TEDC2: variants seen among roughly 807,000 people sequenced by gnomAD.
The protein encoded by TEDC2 is tubulin epsilon and delta complex 2.
Under a neutral mutation model 48.1 loss-of-function variants are expected in TEDC2, and 49 were observed. The ratio of observed to expected loss-of-function variants is 1.02; its 90% CI spans 0.81 to 1.29. TEDC2 has a LOEUF of 1.29. Among genes scored for constraint, TEDC2 ranks in the 50% most tolerant of loss-of-function variants. The probability of loss-of-function intolerance (pLI) is 0.00; values close to 1 mark genes in which losing one functional copy is unlikely to be tolerated. For missense variants in TEDC2, 631 were observed against 571.4 expected, an observed-to-expected ratio of 1.10 and a Z score of -1.06; for synonymous variants, 299 against 247.1, an observed-to-expected ratio of 1.21 and a Z score of -1.97.
chr16:2,461,405 G>GA, intron 4 of TEDC2, 181 bp downstream of exon 4: 2 of 838,468 alleles, frequency 2.4e-6, no homozygotes, highest in Non-Finnish European at 3.5e-6. Flanking sequence ...GTCCAGGTTG[G>GA]CACCATCAGG....
chr16:2,461,390 G>C (rs1287440309), intron 4 of TEDC2, 166 bp downstream of exon 4: 34 of 989,754 alleles, frequency 3.4e-5, no homozygotes, highest in Non-Finnish European at 4.7e-5. Flanking sequence ...CAGCTGTGTG[G>C]TGGTGTCCAG....
chr16:2,461,402 T>C, intron 4 of TEDC2, 178 bp downstream of exon 4: 8 of 893,744 alleles, frequency 9.0e-6, no homozygotes, highest in Non-Finnish European at 1.3e-5. Context: ...GGTGTCCAGG[T>C]TGGCACCATC....
rs747607391 is a variant in TEDC2, at chr16:2,460,164, C to T, written c.20C>T (p.Ser7Leu). Residue 7 changes from serine (S) to leucine (L), a missense_variant, in exon 1 of 10, where the codon TCG becomes TTG. By Grantham distance (145) the Ser-to-Leu change is moderately radical (BLOSUM62 -2). Transcript: ENST00000361837. MLPAGC[S>L]RRLVAELQGA... is the part of the protein sequence containing the mutation. Reference sequence around the variant, plus strand: ...GCCTTCATGCTGCCGGCGGGCTGCTCGCGCCGGTGAGGCCTGCGCGGCAGG... The same window carrying T: ...GCCTTCATGCTGCCGGCGGGCTGCTTGCGCCGGTGAGGCCTGCGCGGCAGG... 2.4e-5 allele frequency: 32 copies of T among 1,343,234 alleles called. No homozygotes were observed. Among genetic ancestry groups the T allele is most frequent in the Admixed American group, 8.3e-5 (2 of 24,122 alleles). 83.2% of individuals were successfully genotyped at this position (1,343,234 alleles called of 1,614,324 possible). A position where few individuals can be genotyped will look rare whatever the true frequency, so the allele number is the denominator to read the frequency against.
At chr16:2,460,251 C>T (rs1310963167) in intron 1 of TEDC2, 32 bp from the exon 2 acceptor site, 8 of 1,502,956 alleles carry the variant, frequency 5.3e-6, no homozygotes, top group African/African-American at 1.5e-5. Context: ...CCGACGCTGG[C>T]CGAGGTGCTG....
intron 5 of TEDC2, 121 bp from the exon 6 acceptor site, chr16:2,462,028 G>A: frequency 8.4e-7 from 1 of 1,188,648 alleles, no homozygotes; most frequent in South Asian, 1.4e-5. Flanking sequence ...ATTCAGCAGA[G>A]CCAGACGCCC....
rs759427683 is a variant in TEDC2 at position 2,464,578 on chromosome 16, C to T, written c.1212C>T (p.Pro404=). The change falls in exon 10 of 10, where the codon CCC becomes CCT. Residue 404 remains proline (P), a synonymous_variant. Coordinates refer to ENST00000361837, the MANE Select transcript of TEDC2 (RefSeq NM_025108.3). ...LVSAAQPQGP[P]WLALCRAVHS... ...GCGCTGCACAGCCGCAGGGGCCGCC[C>T]TGGCTGGCCCTGTGCCGGGCTGTGC... 4 of 1,608,466 alleles carry T rather than the reference C, an allele frequency of 2.5e-6. No homozygotes were observed. The highest frequency in any genetic ancestry group is 2.2e-5 in the East Asian group (1 of 44,884).
chr16:2,461,838 G>T (rs372850122), intron 5 of TEDC2, 38 bp downstream of exon 5: 1 of 1,610,912 alleles, frequency 6.2e-7, no homozygotes, highest in African/African-American at 1.3e-5. Flanking sequence ...GGGTAGGGGA[G>T]AACCGGGAGG....
Position 2,464,901 on chromosome 16 carries a change from C to G in TEDC2, c.*233C>G. On this transcript the variant is annotated 3_prime_UTR_variant, in exon 10 of 10. Coordinates refer to ENST00000361837, the MANE Select transcript of TEDC2 (RefSeq NM_025108.3). ...AGCGGGGAGCCTTTCCTGGCTCCCTCTGTTTTCTCTCACTGTAGACCAAAG... is the reference window on the plus strand; with the variant it reads ...AGCGGGGAGCCTTTCCTGGCTCCCTGTGTTTTCTCTCACTGTAGACCAAAG... 1.7e-6 allele frequency: 1 copy of G among 577,852 alleles called. No individual in the cohort carries two copies. Among genetic ancestry groups the G allele is most frequent in the East Asian group, 3.0e-5 (1 of 33,028 alleles). 35.8% of individuals were successfully genotyped at this position (577,852 alleles called of 1,614,324 possible).
rs866719138 is a variant in TEDC2 at position 2,463,246 on chromosome 16, A to G, written c.964+514A>G. On this transcript the variant is annotated intron_variant, in intron 8 of 9. Coordinates refer to ENST00000361837, the MANE Select transcript of TEDC2 (RefSeq NM_025108.3). Reference sequence around the variant, plus strand: ...TGAGGCAGGAGAATGGCGTGAACCCAGGAGGAGGAGCTTGCAGTGAGCTGA... The same window carrying G: ...TGAGGCAGGAGAATGGCGTGAACCCGGGAGGAGGAGCTTGCAGTGAGCTGA... Among the ~76,000 whole-genome samples, 20 of 152,180 alleles carry G rather than the reference A, an allele frequency of 1.3e-4. No homozygotes were observed. In the South Asian group the frequency reaches 3.3e-3, roughly 25 times the overall value.
At chr16:2,462,844 T>A (rs2065475556) in intron 8 of TEDC2, 112 bp downstream of exon 8, 2 of 1,014,248 alleles carry the variant, frequency 2.0e-6, no homozygotes, top group Non-Finnish European at 2.8e-6. Flanking sequence ...AGGGACCAGA[T>A]GCAAGTTGGT....
chr16:2,464,406 C>A, intron 9 of TEDC2, 116 bp from the exon 10 acceptor site: 1 of 1,346,352 alleles, frequency 7.4e-7, no homozygotes, highest in Non-Finnish European at 1.0e-6. Context: ...AGGAGGGAGC[C>A]TGGAGCCTCA....
chr16:2,463,688 G>A (rs2065481663), intron 8 of TEDC2, among the ~76,000 whole-genome samples: 1 of 151,878 alleles, frequency 6.6e-6, no homozygotes, highest in Admixed American at 6.5e-5. Flanking sequence ...TGACTCGCCT[G>A]GGATTGCGTG....
chr16:2,461,825 C>T (rs754117078), intron 5 of TEDC2, 25 bp downstream of exon 5: 54 of 1,613,084 alleles, frequency 3.3e-5, no homozygotes, highest in Admixed American at 8.3e-5. Flanking sequence ...TTTGGCTGGA[C>T]GGGGGTAGGG....
chr16:2,464,770 C>T lies in TEDC2; in HGVS notation c.*102C>T. ...GAGATGCCTGTGCTTCCCTGGGAAA[C>T]CTGGTGAACTGGACCAGGTGGCCTC... On this transcript the variant is annotated 3_prime_UTR_variant, in exon 10 of 10. Transcript: ENST00000361837. 6.7e-7 allele frequency: 1 copy of T among 1,493,888 alleles called. No individual in the cohort carries two copies. Among genetic ancestry groups the T allele is most frequent in the Non-Finnish European group, 9.1e-7 (1 of 1,101,750 alleles). 92.5% of individuals were successfully genotyped at this position (1,493,888 alleles called of 1,614,324 possible).
At position 2,460,169 on chromosome 16, in the gene TEDC2, C is replaced by A. The variant is rs1287744657; in HGVS notation, c.25C>A (p.Arg9=). Residue 9 remains arginine, a splice_region_variant and synonymous_variant, in exon 1 of 10, where the codon CGG becomes AGG. Transcript: ENST00000361837. ...CATGCTGCCGGCGGGCTGCTCGCGC[C>A]GGTGAGGCCTGCGCGGCAGGAGGGG... MLPAGCSR[R]LVAELQGALD... 5.3e-6 allele frequency: 6 copies of A among 1,124,836 alleles called. No individual in the cohort carries two copies. Among genetic ancestry groups the A allele is most frequent in the South Asian group, 2.0e-5 (1 of 50,504 alleles). The allele number at this position is 1,124,836 out of a possible 1,614,324, so 69.7% of individuals were successfully genotyped here.
intron 8 of TEDC2, among the ~76,000 whole-genome samples, chr16:2,463,333 A>G (rs1471163483): frequency 6.9e-6 from 1 of 145,202 alleles, no homozygotes; most frequent in African/African-American, 2.6e-5. Context: ...AAAAAGAAAA[A>G]GTAGCGTGTG....
At chr16:2,463,983 A>C in intron 8 of TEDC2, 56 bp from the exon 9 acceptor site, 1 of 1,554,796 alleles carries the variant, frequency 6.4e-7, no homozygotes, top group Non-Finnish European at 8.7e-7. Flanking sequence ...ACACAGGAAA[A>C]GCGGGGCCCT....
intron 4 of TEDC2, 44 bp from the exon 5 acceptor site, chr16:2,461,703 C>T: frequency 6.2e-7 from 1 of 1,610,424 alleles, no homozygotes; most frequent in South Asian, 1.1e-5. Flanking sequence ...CTTGTAGACC[C>T]CAGAGCAAGG....
chr16:2,461,432 G>A (rs1269833683), intron 4 of TEDC2: 2 of 702,082 alleles, frequency 2.8e-6, no homozygotes, highest in Admixed American at 3.2e-5. Flanking sequence ...AAGTACTGGA[G>A]CCTGTCCTCC....
Sources: gnomAD v4.1 joint callset for allele counts (sites outside exome capture counted in the v4.1 genomes callset) on GRCh38, gnomAD v4.1.1 for gene constraint, MANE v1.5 for transcripts, NCBI Gene and HGNC (gene_info 2026-07-23, HGNC 2026-07-21) for gene names.